Variants in COLEC11 observed in about 807,000 individuals in gnomAD.
COLEC11 encodes the protein collectin-11.
COLEC11 carries 20 observed loss-of-function variants against 27.3 expected under a neutral mutation model. That is an observed-to-expected ratio of 0.73 (90% CI 0.51 to 1.06). The LOEUF is 1.06. Ranked by LOEUF, COLEC11 falls within the 50% of genes least tolerant of loss-of-function variation. The probability of loss-of-function intolerance (pLI) is 0.00; values close to 1 mark genes in which losing one functional copy is unlikely to be tolerated. For synonymous variants in COLEC11, 163 were observed against 154.7 expected, an observed-to-expected ratio of 1.05 and a Z score of -0.40; for missense variants, 310 against 383.0, an observed-to-expected ratio of 0.81 and a Z score of 1.59.
At position 3,641,411 on chromosome 2, in the gene COLEC11, T is replaced by A. The variant is rs116524894; in HGVS notation, c.328+1080T>A. ...ACCTGAGGGGCCCGGACAAAGCCTC[T>A]GGGAGACAGAAGGACCTGGAGGCAG... On this transcript the variant is annotated intron_variant, in intron 5 of 6. Coordinates refer to ENST00000349077, the MANE Select transcript of COLEC11 (RefSeq NM_024027.5). The A allele has an allele frequency of 6.8e-4, 883 of 1,293,766 alleles. 7 individuals are homozygous for A. The African/African-American group carries it at 0.012, about 18-fold the overall frequency. 80.1% of individuals were successfully genotyped at this position (1,293,766 alleles called of 1,614,324 possible). A position where few individuals can be genotyped will look rare whatever the true frequency, so the allele number is the denominator to read the frequency against.
At chr2:3,615,430 A>G (rs999148584) in intron 3 of COLEC11, among the ~76,000 whole-genome samples, 1 of 152,228 alleles carries the variant, frequency 6.6e-6, no homozygotes, top group African/African-American at 2.4e-5. Context: ...GACACAGCAC[A>G]TGTTTCAGAG....
intron 3 of COLEC11, among the ~76,000 whole-genome samples, chr2:3,614,142 T>TGG (rs200452579): frequency 1.4e-4 from 11 of 79,554 alleles, no homozygotes; most frequent in African/African-American, 3.9e-4. Context: ...TAATTTTTTT[T>TGG]TGGGGGGTAT....
At position 3,613,384 on chromosome 2, in the gene COLEC11, TA is replaced by T. The variant is rs1209516530; in HGVS notation, c.202+3del. The T allele has an allele frequency of 6.3e-7, 1 of 1,591,618 alleles. No individual in the cohort carries two copies. ...GAGTCGGCCCCACGGGAGAAAAAGG[TA>T]CCTGCAGCCCTGGGCCGGCCCTCAG... On this transcript the variant is annotated splice_donor_region_variant and intron_variant, in intron 3 of 6. Transcript: ENST00000349077.
intron 4 of COLEC11, among the ~76,000 whole-genome samples, chr2:3,639,082 G>A (rs1429121123): frequency 6.6e-6 from 1 of 152,166 alleles, no homozygotes; most frequent in African/African-American, 2.4e-5. Context: ...GTGTCTAGTT[G>A]ATTTCACTTG....
intron 3 of COLEC11, among the ~76,000 whole-genome samples, chr2:3,627,247 C>T (rs559445848): frequency 3.3e-5 from 5 of 151,378 alleles, no homozygotes; most frequent in South Asian, 4.2e-4. Context: ...AACTCAACTT[C>T]GCCTGGGCAT....
At chr2:3,603,773 C>T (rs887045232) in intron 1 of COLEC11, 1 of 1,047,376 alleles carries the variant, frequency 9.5e-7, no homozygotes, top group Admixed American at 2.1e-5. Context: ...CGGGGCTCCT[C>T]TCTCCTTACT....
chr2:3,605,878 C>A (rs1396642367), intron 2 of COLEC11: 1 of 518,134 alleles, frequency 1.9e-6, no homozygotes, highest in Non-Finnish European at 3.4e-6. Context: ...GCAGCTCTGG[C>A]TGGGGGCTTT....
At chr2:3,609,367 T>TGA (rs1663011661) in intron 2 of COLEC11, among the ~76,000 whole-genome samples, 1 of 137,762 alleles carries the variant, frequency 7.3e-6, no homozygotes, top group Non-Finnish European at 1.6e-5. Flanking sequence ...TTTTTTTTTT[T>TGA]TTTTTTTTTT....
chr2:3,617,536 G>A, intron 3 of COLEC11: 2 of 1,555,044 alleles, frequency 1.3e-6, no homozygotes, highest in Non-Finnish European at 1.8e-6. Flanking sequence ...CATATTGGCG[G>A]CGCACGCCTC....
chr2:3,625,080 A>G (rs10206003), intron 3 of COLEC11, among the ~76,000 whole-genome samples: 16,273 of 152,292 alleles, frequency 0.11, 1,208 homozygotes, highest in East Asian at 0.29. Flanking sequence ...TACCTCTTAA[A>G]GAATCTTAAT....
intron 3 of COLEC11, among the ~76,000 whole-genome samples, chr2:3,627,279 G>GT (rs1225318965): frequency 6.8e-6 from 1 of 147,022 alleles, no homozygotes; most frequent in Non-Finnish European, 1.5e-5. Context: ...TCACGATGCT[G>GT]TGCATGACGA....
intron 2 of COLEC11, among the ~76,000 whole-genome samples, chr2:3,611,012 TTTCCCCGTGTGG>T (rs1663146550): frequency 6.6e-6 from 1 of 152,214 alleles, no homozygotes; most frequent in South Asian, 2.1e-4. Context: ...TTTCTCTGAT[TTTCCCCGTGTGG>T]TTCTCCGCAG....
In COLEC11 at chr2:3,602,311, G is replaced by A. The variant is rs1040022857; in HGVS notation, c.-26-2004G>A. Reference sequence around the variant, plus strand: ...GCTCCACCCACTGGGTCACATAGGAGTCTATAGTGTCTCAGACTCGGAAAG... The same window carrying A: ...GCTCCACCCACTGGGTCACATAGGAATCTATAGTGTCTCAGACTCGGAAAG... On this transcript the variant is annotated intron_variant, in intron 1 of 6. Transcript: ENST00000349077. This position sits in a 1 kb window ranked among gnomAD's most constrained non-coding sequence, Gnocchi z 6.2. Among the ~76,000 whole-genome samples, 1 of 152,130 alleles carries A rather than the reference G, an allele frequency of 6.6e-6. No individual in the cohort carries two copies. Among genetic ancestry groups the A allele is most frequent in the African/African-American group, 2.4e-5 (1 of 41,386 alleles).
At chr2:3,605,460 A>G (rs201706939) in intron 2 of COLEC11, among the ~76,000 whole-genome samples, 2 of 7,166 alleles carry the variant, frequency 2.8e-4, no homozygotes, top group Non-Finnish European at 5.3e-4. Context: ...CGAGGAGGGG[A>G]GGGGAGTCAC....
chr2:3,605,756 A>C (rs1027148680), intron 2 of COLEC11: 3 of 237,062 alleles, frequency 1.3e-5, no homozygotes, highest in Non-Finnish European at 2.5e-5. Context: ...CATGATCAAA[A>C]CAGTCACCAC....
At chr2:3,611,348 C>G (rs1253280613) in intron 2 of COLEC11, among the ~76,000 whole-genome samples, 2 of 152,240 alleles carry the variant, frequency 1.3e-5, no homozygotes, top group Non-Finnish European at 2.9e-5. Context: ...CTGCTCGGCT[C>G]TTTCCGCTGC....
rs148786016 is a variant in COLEC11 at position 3,643,816 on chromosome 2, G to A, written c.514G>A (p.Gly172Ser). 1,138 of 1,613,536 alleles carry A rather than the reference G, an allele frequency of 7.1e-4. No homozygotes were observed. Among genetic ancestry groups the A allele is most frequent in the South Asian group, 2.5e-3 (225 of 91,076 alleles). Residue 172 changes from glycine to serine, a missense_variant, in exon 7 of 7, where the codon GGC becomes AGC. Physicochemically the swap from Gly to Ser is moderately conservative, Grantham distance 56. Coordinates refer to ENST00000349077, the MANE Select transcript of COLEC11 (RefSeq NM_024027.5). Reference sequence around the variant, plus strand: ...CGCGGACGCCCAGCTGTCCTGCCAGGGCCGCGGGGGCACGCTGAGCATGCC... The same window carrying A: ...CGCGGACGCCCAGCTGTCCTGCCAGAGCCGCGGGGGCACGCTGAGCATGCC... ...RYADAQLSCQ[G>S]RGGTLSMPKD...
chr2:3,604,113 C>T, intron 1 of COLEC11: 2 of 630,758 alleles, frequency 3.2e-6, no homozygotes, highest in Non-Finnish European at 5.6e-6. Context: ...GTGCCTGGTG[C>T]TGACCCTGGG....
intron 3 of COLEC11, among the ~76,000 whole-genome samples, chr2:3,626,789 T>G (rs1444148558): frequency 1.3e-5 from 2 of 152,190 alleles, no homozygotes; most frequent in African/African-American, 2.4e-5. Context: ...TGGAATAAAC[T>G]TAGGACTTTT....
Sources: allele counts gnomAD v4.1 joint callset (sites outside exome capture counted in the v4.1 genomes callset), GRCh38; gene constraint gnomAD v4.1.1; non-coding constraint Gnocchi (gnomAD v3.1); transcripts MANE v1.5; gene names NCBI Gene and HGNC (gene_info 2026-07-23, HGNC 2026-07-21).